LDB2: variants seen among roughly 807,000 people sequenced by gnomAD.
LDB2 encodes LIM domain binding 2.
A neutral mutation model predicts 44.3 loss-of-function variants in LDB2; 12 were observed. The observed-to-expected ratio is 0.27, with a 90% CI of 0.17 to 0.44. LDB2 has a LOEUF of 0.44. LDB2 is among the 20% of genes least tolerant of loss of function. The pLI is 1.00. For synonymous variants in LDB2, 164 were observed against 174.8 expected (o/e 0.94, Z 0.49); for missense variants, 344 against 473.5 (o/e 0.73, Z 2.54).
chr4:16,829,739 G>A (rs1783724128), intron 1 of LDB2, among the ~76,000 whole-genome samples: 1 of 152,188 alleles, frequency 6.6e-6, no homozygotes, highest in African/African-American at 2.4e-5. Context: ...TTTATGACCA[G>A]TACTTCTCAT....
At chr4:16,740,846 T>C (rs1362686473) in intron 2 of LDB2, among the ~76,000 whole-genome samples, 1 of 152,256 alleles carries the variant, frequency 6.6e-6, no homozygotes, top group Middle Eastern at 3.2e-3. Context: ...ATGCAATGCG[T>C]GTATTTTACT....
At chr4:16,506,187 T>G (rs1719340799) in intron 7 of LDB2, 5 of 495,100 alleles carry the variant, frequency 1.0e-5, no homozygotes, top group Non-Finnish European at 1.8e-5. Flanking sequence ...TTAAAAGATA[T>G]GGTCACCACA....
intron 2 of LDB2, among the ~76,000 whole-genome samples, chr4:16,657,156 A>G (rs978022211): frequency 6.6e-6 from 1 of 152,228 alleles, no homozygotes; most frequent in Non-Finnish European, 1.5e-5. Flanking sequence ...AGTACATTTG[A>G]AAAGACATTT....
At chr4:16,578,318 T>C (rs1341166642) in intron 5 of LDB2, among the ~76,000 whole-genome samples, 1 of 152,024 alleles carries the variant, frequency 6.6e-6, no homozygotes, top group Non-Finnish European at 1.5e-5. Context: ...GACAAGGAAT[T>C]AATAACCATA....
chr4:16,768,579 G>C (rs1346544893), intron 1 of LDB2, among the ~76,000 whole-genome samples: 1 of 152,036 alleles, frequency 6.6e-6, no homozygotes. Context: ...CATGCCTTCT[G>C]CCTTTCTGTT....
intron 2 of LDB2, among the ~76,000 whole-genome samples, chr4:16,657,908 CCTT>C (rs1043157609): frequency 4.6e-5 from 7 of 152,198 alleles, no homozygotes; most frequent in African/African-American, 9.7e-5. Flanking sequence ...ATTTTAAAAA[CCTT>C]CTCTCTACAG....
intron 1 of LDB2, among the ~76,000 whole-genome samples, chr4:16,797,678 G>A (rs554145771): frequency 1.2e-4 from 18 of 152,076 alleles, no homozygotes; most frequent in Admixed American, 8.5e-4. Flanking sequence ...TCTGAGCTTC[G>A]TGGTTAATAA....
chr4:16,784,901 T>C (rs985961714), intron 1 of LDB2, among the ~76,000 whole-genome samples: 3 of 152,132 alleles, frequency 2.0e-5, no homozygotes, highest in African/African-American at 7.2e-5. Flanking sequence ...GCTCCCTGGG[T>C]GTAGACTGTC....
intron 2 of LDB2, among the ~76,000 whole-genome samples, chr4:16,656,054 C>T (rs893568840): frequency 3.3e-5 from 5 of 151,912 alleles, no homozygotes; most frequent in Admixed American, 1.3e-4. Context: ...CGCCTGCCAC[C>T]ACGCCCGGCT....
At chr4:16,738,636 T>C (rs1429238427) in intron 2 of LDB2, among the ~76,000 whole-genome samples, 1 of 152,220 alleles carries the variant, frequency 6.6e-6, no homozygotes, top group Non-Finnish European at 1.5e-5. Context: ...ACATTTTCTA[T>C]GAAGACTCTT....
At chr4:16,672,952 T>C (rs1745289604) in intron 2 of LDB2, among the ~76,000 whole-genome samples, 1 of 151,400 alleles carries the variant, frequency 6.6e-6, no homozygotes, top group African/African-American at 2.4e-5. Context: ...TCCTTCTCTC[T>C]TTTTCCTTTC....
chr4:16,850,135 G>T (rs1028969783), intron 1 of LDB2, among the ~76,000 whole-genome samples: 2 of 152,122 alleles, frequency 1.3e-5, no homozygotes, highest in African/African-American at 4.8e-5. Flanking sequence ...GAGGGCCTCT[G>T]GAGCTCTTGT....
intron 2 of LDB2, among the ~76,000 whole-genome samples, chr4:16,633,794 C>T (rs1354183662): frequency 6.6e-6 from 1 of 152,110 alleles, no homozygotes; most frequent in East Asian, 1.9e-4. Flanking sequence ...AAAAAGAGTC[C>T]ACATAGCCAA....
intron 2 of LDB2, among the ~76,000 whole-genome samples, chr4:16,751,235 C>T (rs906706999): frequency 6.6e-6 from 1 of 152,204 alleles, no homozygotes; most frequent in African/African-American, 2.4e-5. Context: ...ACAACCACCT[C>T]AGATTTCATA....
intron 2 of LDB2, chr4:16,626,622 T>A (rs576764558): frequency 6.6e-6 from 1 of 152,276 alleles, no homozygotes; most frequent in Non-Finnish European, 1.5e-5. Flanking sequence ...TTCATTTTAT[T>A]GTAAATCATC....
intron 1 of LDB2, among the ~76,000 whole-genome samples, chr4:16,835,673 C>A (rs904720334): frequency 6.6e-6 from 1 of 152,190 alleles, no homozygotes; most frequent in African/African-American, 2.4e-5. Context: ...AAGGAACAGG[C>A]AAAGAGTTTT....
intron 2 of LDB2, among the ~76,000 whole-genome samples, chr4:16,755,993 C>T (rs1424544058): frequency 6.6e-6 from 1 of 152,172 alleles, no homozygotes; most frequent in Non-Finnish European, 1.5e-5. Context: ...CGGACACACC[C>T]CCATCAGGGG....
intron 1 of LDB2, among the ~76,000 whole-genome samples, chr4:16,779,080 A>C (rs1170021238): frequency 6.6e-6 from 1 of 152,198 alleles, no homozygotes; most frequent in African/African-American, 2.4e-5. Flanking sequence ...TGTTCTAGGA[A>C]ACATGGGGGA....
At chr4:16,790,811 A>G (rs1775544328) in intron 1 of LDB2, among the ~76,000 whole-genome samples, 1 of 152,224 alleles carries the variant, frequency 6.6e-6, no homozygotes, top group African/African-American at 2.4e-5. Context: ...GCAAAAAGTT[A>G]CTTTCAGGTA....
Sources: gnomAD v4.1 joint callset for allele counts (sites outside exome capture counted in the v4.1 genomes callset) on GRCh38, gnomAD v4.1.1 for gene constraint, MANE v1.5 for transcripts, NCBI Gene and HGNC (gene_info 2026-07-23, HGNC 2026-07-21) for gene names.